CFB: variants seen among roughly 807,000 people sequenced by gnomAD.
CFB encodes the protein complement factor B, also known as B-factor, properdin.
In CFB, 59 loss-of-function variants were observed where a neutral mutation model predicts 97.2. The observed-to-expected ratio is 0.61, with a 90% CI of 0.49 to 0.75. The LOEUF is 0.75. Among genes scored for constraint, CFB ranks in the 30% least tolerant of loss-of-function variants. The probability of loss-of-function intolerance (pLI) is 0.00; values close to 1 mark genes in which losing one functional copy is unlikely to be tolerated. For synonymous variants in CFB, 316 were observed against 351.7 expected, an observed-to-expected ratio of 0.90 and a Z score of 1.14; for missense variants, 771 against 959.8, an observed-to-expected ratio of 0.80 and a Z score of 2.60.
rs1158115246 is a variant in CFB, at chr6:31,947,599, C to T, written c.658+78C>T. On this transcript the variant is annotated intron_variant, in intron 4 of 17. Transcript: ENST00000425368. The surrounding 1 kb of genome is among the most constrained non-coding windows in gnomAD (Gnocchi z 5.3). ...CTTCTCTCCCCACCTCAACCCTGCT[C>T]TTTCCTCACTTTGTTTAAACCTCCC... 6.3e-7 allele frequency: 1 copy of T among 1,599,312 alleles called. No homozygotes were observed. Among genetic ancestry groups the T allele is most frequent in the African/African-American group, 1.3e-5 (1 of 74,810 alleles).
rs1462700465 is a variant in CFB, at chr6:31,951,519, C to A, written c.2090-36C>A. The A allele has an allele frequency of 1.2e-6, 2 of 1,614,088 alleles. No individual in the cohort carries two copies. Among genetic ancestry groups the A allele is most frequent in the African/African-American group, 2.7e-5 (2 of 74,930 alleles). ...TGTGCTACAAGTGCCCAAGGCCCAA[C>A]AGTCCTTTTCTCTACAGCTTCTCCT... On this transcript the variant is annotated intron_variant, in intron 16 of 17. Coordinates refer to ENST00000425368, the MANE Select transcript of CFB (RefSeq NM_001710.6). This position sits in a 1 kb window ranked among gnomAD's most constrained non-coding sequence, Gnocchi z 4.3.
chr6:31,949,625 T>C, intron 10 of CFB, 68 bp downstream of exon 10: 2 of 1,585,706 alleles, frequency 1.3e-6, no homozygotes, highest in Admixed American at 3.4e-5. Flanking sequence ...TCATTCTTCC[T>C]CTACACCTGA....
intron 8 of CFB, 94 bp from the exon 9 acceptor site, chr6:31,949,149 C>G: frequency 6.9e-7 from 1 of 1,448,156 alleles, no homozygotes; most frequent in Non-Finnish European, 9.6e-7. Context: ...ATCTCTAACC[C>G]TTCCTCAACT....
Position 31,950,670 on chromosome 6 carries a change from A to G in CFB, c.1676A>G (p.Tyr559Cys). The part of the protein sequence containing the change: ...EIEVVLFHPN[Y>C]NINGKKEAGI... The stretch of plus-strand genomic sequence containing the variant: ...GAAGTAGTCCTATTTCACCCCAACT[A>G]CAACATTAATGGGAAAAAAGAAGCA... The change falls in exon 13 of 18, where the codon TAC (tyrosine) becomes TGC (cysteine). Residue 559 changes from tyrosine to cysteine, a missense_variant. Coordinates refer to ENST00000425368, the MANE Select transcript of CFB (RefSeq NM_001710.6). 6.2e-7 allele frequency: 1 copy of G among 1,613,022 alleles called. No individual in the cohort carries two copies. Among genetic ancestry groups the G allele is most frequent in the Non-Finnish European group, 8.5e-7 (1 of 1,179,998 alleles).
intron 8 of CFB, 60 bp from the exon 9 acceptor site, chr6:31,949,183 C>T: frequency 1.3e-6 from 2 of 1,570,082 alleles, no homozygotes; most frequent in Non-Finnish European, 1.7e-6. Context: ...ATGTGTATCC[C>T]TGCCTTTAGC....
In CFB at chr6:31,949,448, G is replaced by A. The variant is rs1771622009; in HGVS notation, c.1299G>A (p.Leu433=). The A allele has an allele frequency of 6.2e-7, 1 of 1,614,144 alleles. No homozygotes were observed. The highest frequency in any genetic ancestry group is 8.5e-7 in the Non-Finnish European group (1 of 1,180,040). ...LDVYVFGVGP[L]VNQVNINALA... is the part of the protein sequence containing the mutation. The stretch of plus-strand genomic sequence containing the variant: ...TCTATGTGTTTGGGGTCGGGCCTTT[G>A]GTGAACCAAGTGAACATCAATGCTT... The change falls in exon 10 of 18, where the codon TTG becomes TTA. Residue 433 remains leucine, a synonymous_variant. Transcript: ENST00000425368.
chr6:31,949,862 C>A, intron 10 of CFB, 188 bp from the exon 11 acceptor site: 1 of 724,810 alleles, frequency 1.4e-6, no homozygotes, highest in Non-Finnish European at 2.4e-6. Context: ...CCTCTGACAG[C>A]TTGATCCCAA....
In CFB at chr6:31,947,662, GA is replaced by G; in HGVS notation, c.659-77del. On this transcript the variant is annotated intron_variant, in intron 4 of 17. Coordinates refer to ENST00000425368, the MANE Select transcript of CFB (RefSeq NM_001710.6). The surrounding 1 kb of genome is among the most constrained non-coding windows in gnomAD (Gnocchi z 5.3). ...TCACTTCTGAGCCTTTTATACCCTG[GA>G]AACCCATGATCCCCCGTCTCTTTGG... is the stretch of plus-strand genomic sequence containing the variant. 1 of 1,580,012 alleles carries G rather than the reference GA, an allele frequency of 6.3e-7. No homozygotes were observed. The highest frequency in any genetic ancestry group is 8.7e-7 in the Non-Finnish European group (1 of 1,150,542).
rs1771527753 is a variant in CFB at position 31,947,722 on chromosome 6, C to T, written c.659-20C>T. On this transcript the variant is annotated intron_variant, in intron 4 of 17. Transcript: ENST00000425368. The surrounding 1 kb of genome is among the most constrained non-coding windows in gnomAD (Gnocchi z 5.3). Reference sequence around the variant, plus strand: ...TCCCTGACACTCCCAGACATTTGACCTCATTTCTGACTCTCCCAGACTCCT... The same window carrying T: ...TCCCTGACACTCCCAGACATTTGACTTCATTTCTGACTCTCCCAGACTCCT... 6.2e-7 allele frequency: 1 copy of T among 1,611,990 alleles called. No homozygotes were observed. The highest frequency in any genetic ancestry group is 8.5e-7 in the Non-Finnish European group (1 of 1,179,086).
Position 31,952,027 on chromosome 6 carries a change from A to G in CFB, c.2292A>G (p.Leu764=), listed in dbSNP as rs768606251. The G allele has an allele frequency of 1.4e-5, 22 of 1,612,702 alleles. No individual in the cohort carries two copies. Among genetic ancestry groups the G allele is most frequent in the Admixed American group, 8.3e-5 (5 of 60,000 alleles). ...TCCAAGATGAGGATTTGGGTTTTCT[A>G]TAAGGGGTTTCCTGCTGGACAGGGG... ...EKLQDEDLGF[L] The change falls in exon 18 of 18, where the codon CTA becomes CTG. Residue 764 remains leucine, a synonymous_variant. Transcript: ENST00000425368.
At position 31,949,238 on chromosome 6, in the gene CFB, T is replaced by C; in HGVS notation, c.1169-5T>C. On this transcript the variant is annotated splice_region_variant and splice_polypyrimidine_tract_variant and intron_variant, in intron 8 of 17. Coordinates refer to ENST00000425368, the MANE Select transcript of CFB (RefSeq NM_001710.6). ...CCTACCCTCATGGTCCTGTCTCTTC[T>C]GCAGGATTGCACAACATGGGCGGGG... is the stretch of plus-strand genomic sequence containing the variant. The C allele has an allele frequency of 6.2e-7, 1 of 1,613,972 alleles. No homozygotes were observed. Among genetic ancestry groups the C allele is most frequent in the South Asian group, 1.1e-5 (1 of 91,068 alleles).
chr6:31,947,606 C>G lies in CFB; in HGVS notation c.658+85C>G. On this transcript the variant is annotated intron_variant, in intron 4 of 17. Transcript: ENST00000425368. This position sits in a 1 kb window ranked among gnomAD's most constrained non-coding sequence, Gnocchi z 5.3. ...CCCCACCTCAACCCTGCTCTTTCCTCACTTTGTTTAAACCTCCCTGTACAA... is the reference window on the plus strand; with the variant it reads ...CCCCACCTCAACCCTGCTCTTTCCTGACTTTGTTTAAACCTCCCTGTACAA... 2.5e-6 allele frequency: 4 copies of G among 1,597,372 alleles called. No homozygotes were observed. Among genetic ancestry groups the G allele is most frequent in the Non-Finnish European group, 3.4e-6 (4 of 1,166,280 alleles).
intron 10 of CFB, 99 bp downstream of exon 10, chr6:31,949,656 C>G: frequency 2.1e-6 from 3 of 1,436,472 alleles, no homozygotes; most frequent in Middle Eastern, 1.7e-4. Context: ...GCCTGGAAAG[C>G]CTTCTTCATT....
chr6:31,948,173 A>C, intron 6 of CFB, 92 bp downstream of exon 6: 1 of 1,559,126 alleles, frequency 6.4e-7, no homozygotes, highest in Non-Finnish European at 8.7e-7. Flanking sequence ...TCTGAACAAC[A>C]GGGCCCCAGG....
chr6:31,949,984 C>CAAA, intron 10 of CFB, 66 bp from the exon 11 acceptor site: 1 of 1,517,862 alleles, frequency 6.6e-7, no homozygotes, highest in East Asian at 2.3e-5. Flanking sequence ...GACTCCTACC[C>CAAA]AAAAGGCTGC....
rs1771473367 is a variant in CFB at position 31,947,102 on chromosome 6, T to C, written c.394T>C (p.Tyr132His). Residue 132 changes from tyrosine (Y) to histidine (H), a missense_variant, in exon 3 of 18, where the codon TAT becomes CAT. Physicochemically the swap from Tyr to His is moderately conservative, Grantham distance 83. Coordinates refer to ENST00000425368, the MANE Select transcript of CFB (RefSeq NM_001710.6). The surrounding 1 kb of genome is among the most constrained non-coding windows in gnomAD (Gnocchi z 5.3). ...NVSDEISFHC[Y>H]DGYTLRGSAN... ...GAGTGATGAGATCTCTTTCCACTGCTATGACGGTTACACTCTCCGGGGCTC... is the reference window on the plus strand; with the variant it reads ...GAGTGATGAGATCTCTTTCCACTGCCATGACGGTTACACTCTCCGGGGCTC... The C allele has an allele frequency of 1.9e-6, 3 of 1,612,954 alleles. No individual in the cohort carries two copies. The highest frequency in any genetic ancestry group is 2.5e-6 in the Non-Finnish European group (3 of 1,180,054).
In CFB at chr6:31,952,047, C is replaced by T. The variant is rs1434249323; in HGVS notation, c.*17C>T. ...TTTCTATAAGGGGTTTCCTGCTGGA[C>T]AGGGGCGTGGGATTGAATTAAAACA... is the stretch of plus-strand genomic sequence containing the variant. On this transcript the variant is annotated 3_prime_UTR_variant, in exon 18 of 18. Transcript: ENST00000425368. 1.2e-6 allele frequency: 2 copies of T among 1,612,174 alleles called. No individual in the cohort carries two copies. Among genetic ancestry groups the T allele is most frequent in the Non-Finnish European group, 1.7e-6 (2 of 1,180,024 alleles).
Position 31,946,623 on chromosome 6 carries a change from T to C in CFB, c.298+17T>C, listed in dbSNP as rs748817676. On this transcript the variant is annotated intron_variant, in intron 2 of 17. Transcript: ENST00000425368. The surrounding 1 kb of genome is among the most constrained non-coding windows in gnomAD (Gnocchi z 6.4). ...AGTGCAGAGGTTTGAGGGCAATGAG[T>C]GTGGGCAGTGGCCTAAGGCAGAAAC... 5.6e-6 allele frequency: 9 copies of C among 1,598,474 alleles called. No homozygotes were observed. In the South Asian group the frequency reaches 8.8e-5, roughly 16 times the overall value.
chr6:31,950,898 A>T lies in CFB; in HGVS notation c.1809A>T (p.Thr603=). Residue 603 remains threonine (T), a synonymous_variant, in exon 14 of 18, where the codon ACA becomes ACT. Coordinates refer to ENST00000425368, the MANE Select transcript of CFB (RefSeq NM_001710.6). The part of the protein sequence containing the change: ...RPICLPCTEG[T]TRALRLPPTT... ...TTTGTCTCCCCTGCACCGAGGGAAC[A>T]ACTCGAGCTTTGAGGCTTCCTCCAA... is the stretch of plus-strand genomic sequence containing the variant. 6.2e-7 allele frequency: 1 copy of T among 1,613,084 alleles called. No homozygotes were observed. The highest frequency in any genetic ancestry group is 8.5e-7 in the Non-Finnish European group (1 of 1,180,042).
Sources: allele counts gnomAD v4.1 joint callset, GRCh38; gene constraint gnomAD v4.1.1; non-coding constraint Gnocchi (gnomAD v3.1); transcripts MANE v1.5; gene names NCBI Gene and HGNC (gene_info 2026-07-23, HGNC 2026-07-21).